The following PRPF6 variants were observed in gnomAD, a reference collection of about 807,000 sequenced individuals.
The protein encoded by PRPF6 is pre-mRNA-processing factor 6.
PRPF6 carries 42 observed loss-of-function variants against 118.3 expected under a neutral mutation model. That is an observed-to-expected ratio of 0.35 (90% CI 0.28 to 0.46). The LOEUF is 0.46. Ranked by LOEUF, PRPF6 falls within the 20% of genes least tolerant of loss-of-function variation. The pLI is 1.00. For synonymous variants in PRPF6, 481 were observed against 485.1 expected (o/e 0.99, Z 0.11); for missense variants, 662 against 1,255.7 (o/e 0.53, Z 7.15).
In PRPF6 at chr20:63,994,922, T is replaced by C; in HGVS notation, c.445T>C (p.Leu149=). 1 of 1,614,156 alleles carries C rather than the reference T, an allele frequency of 6.2e-7. No homozygotes were observed. Among genetic ancestry groups the C allele is most frequent in the Middle Eastern group, 1.7e-4 (1 of 6,060 alleles). The change falls in exon 5 of 21, where the codon TTG becomes CTG. Residue 149 remains leucine, a synonymous_variant. Coordinates refer to ENST00000266079, the MANE Select transcript of PRPF6 (RefSeq NM_012469.4). ...GGGGGCTGGATATTTCCAGAGGAAG[T>C]TGGCAGAAGTCACAGAAGAAGAGTG... ...QQQFSDLKRK[L]AEVTEEEWLS... is the part of the protein sequence containing the mutation.
intron 12 of PRPF6, among the ~76,000 whole-genome samples, chr20:64,021,057 A>G (rs816927): frequency 0.25 from 38,515 of 152,210 alleles, 6,068 homozygotes; most frequent in African/African-American, 0.44. Flanking sequence ...AGGGTGCTGG[A>G]ATTACAGGCG....
intron 1 of PRPF6, among the ~76,000 whole-genome samples, chr20:63,982,090 A>G (rs762145066): frequency 6.6e-6 from 1 of 152,080 alleles, no homozygotes. Flanking sequence ...AATAGAATAG[A>G]GCTCAGGAGG....
intron 3 of PRPF6, among the ~76,000 whole-genome samples, chr20:63,991,907 G>A (rs1310830865): frequency 6.6e-6 from 1 of 152,138 alleles, no homozygotes; most frequent in African/African-American, 2.4e-5. Context: ...TCTCAACACC[G>A]AAGTGCAATT....
chr20:63,999,580 C>T (rs767631169), intron 7 of PRPF6, 23 bp from the exon 8 acceptor site: 13 of 1,613,478 alleles, frequency 8.1e-6, no homozygotes, highest in East Asian at 2.2e-5. Flanking sequence ...GGCCTGATGC[C>T]GTGTGCACTC....
At chr20:63,994,118 A>G (rs900821852) in intron 4 of PRPF6, among the ~76,000 whole-genome samples, 16 of 150,676 alleles carry the variant, frequency 1.1e-4, no homozygotes, top group African/African-American at 3.7e-4. Flanking sequence ...ATTTTAGTGA[A>G]GTTGAACAGA....
intron 12 of PRPF6, among the ~76,000 whole-genome samples, chr20:64,019,861 C>A (rs892239254): frequency 1.3e-5 from 2 of 152,178 alleles, no homozygotes; most frequent in African/African-American, 4.8e-5. Flanking sequence ...TCAGTGACAT[C>A]CCCACTCCTC....
rs140112205 is a variant in PRPF6, at chr20:64,032,855, G to T, written c.2688G>T (p.Glu896Asp). Residue 896 changes from glutamate to aspartate, a missense_variant, in exon 21 of 21, where the codon GAG (glutamate) becomes GAT (aspartate). Around this residue, in one of 10 missense-constraint regions of PRPF6, gnomAD observed 244 missense variants for 383.7 expected, o/e 0.64. Coordinates refer to ENST00000266079, the MANE Select transcript of PRPF6 (RefSeq NM_012469.4). Reference protein sequence around the residue: ...LQHGTEEQQEEVRKRCESAEP... With the variant: ...LQHGTEEQQEDVRKRCESAEP... ...GGTCCCCCCAGGAGCAGCAGGAGGA[G>T]GTGAGGAAGCGCTGTGAGAGTGCAG... 5.9e-5 allele frequency: 95 copies of T among 1,610,624 alleles called. No homozygotes were observed. Among genetic ancestry groups the T allele is most frequent in the Admixed American group, 2.8e-4 (17 of 59,760 alleles).
chr20:63,985,678 C>T (rs1039135772), intron 3 of PRPF6, among the ~76,000 whole-genome samples: 5 of 152,180 alleles, frequency 3.3e-5, no homozygotes, highest in African/African-American at 9.7e-5. Context: ...TGTTAAATGA[C>T]ACATACAAGC....
chr20:64,010,441 G>A (rs1321060999), intron 10 of PRPF6, 123 bp downstream of exon 10: 7 of 849,726 alleles, frequency 8.2e-6, no homozygotes, highest in Non-Finnish European at 1.4e-5. Context: ...ATTTCTGGGA[G>A]CAGAAGGCCC....
chr20:63,991,519 C>T (rs559976028), intron 3 of PRPF6, among the ~76,000 whole-genome samples: 2 of 152,142 alleles, frequency 1.3e-5, no homozygotes, highest in Admixed American at 6.6e-5. Flanking sequence ...TGGCCGAGCA[C>T]GGTGGCTCAC....
rs554984809 is a variant in PRPF6 at position 63,995,056 on chromosome 20, C to G, written c.579C>G (p.Thr193=). 2.2e-5 allele frequency: 35 copies of G among 1,613,970 alleles called. No homozygotes were observed. The highest frequency in any genetic ancestry group is 4.5e-5 in the East Asian group (2 of 44,892). Residue 193 remains threonine, a synonymous_variant, in exon 5 of 21, where the codon ACC becomes ACG. Transcript: ENST00000266079. ...GTTTCTTTGCCAAACATTTACAGAC[C>G]GGAGAGAACCATACCTCAGTGGATC... ...PDSFFAKHLQ[T]GENHTSVDPR...
intron 9 of PRPF6, 83 bp downstream of exon 9, chr20:64,001,322 T>C: frequency 1.3e-6 from 2 of 1,501,882 alleles, no homozygotes; most frequent in Non-Finnish European, 1.8e-6. Context: ...CTCAGGCTTT[T>C]GGTGAGAGTG....
chr20:64,021,332 C>G (rs2059261710), intron 12 of PRPF6, among the ~76,000 whole-genome samples: 1 of 147,422 alleles, frequency 6.8e-6, no homozygotes, highest in African/African-American at 2.6e-5. Context: ...GCCTCAGCCA[C>G]AGCCGTGTGT....
At chr20:64,018,318 G>A (rs1355934665) in intron 12 of PRPF6, among the ~76,000 whole-genome samples, 1 of 152,172 alleles carries the variant, frequency 6.6e-6, no homozygotes, top group African/African-American at 2.4e-5. Context: ...AGCCTTTGTT[G>A]TTCCTGAGTG....
intron 3 of PRPF6, among the ~76,000 whole-genome samples, chr20:63,985,583 A>G (rs1037107751): frequency 6.6e-6 from 1 of 152,176 alleles, no homozygotes. Flanking sequence ...TACTTTTACG[A>G]TACATCAGGG....
intron 12 of PRPF6, among the ~76,000 whole-genome samples, chr20:64,018,327 T>G (rs1438100043): frequency 6.6e-6 from 1 of 152,090 alleles, no homozygotes; most frequent in Non-Finnish European, 1.5e-5. Flanking sequence ...TGTTCCTGAG[T>G]GTGAATTTTT....
intron 13 of PRPF6, among the ~76,000 whole-genome samples, chr20:64,023,169 T>G (rs889406131): frequency 2.6e-5 from 4 of 152,238 alleles, no homozygotes; most frequent in African/African-American, 9.6e-5. Flanking sequence ...GGGTATAGAC[T>G]TGAGGCTGGA....
At chr20:64,010,041 G>A (rs938093995) in intron 9 of PRPF6, among the ~76,000 whole-genome samples, 159 bp from the exon 10 acceptor site, 1 of 152,104 alleles carries the variant, frequency 6.6e-6, no homozygotes. Flanking sequence ...GTTTGTGTCT[G>A]CCCCAGACCT....
chr20:64,007,639 G>C (rs6011254), intron 9 of PRPF6, among the ~76,000 whole-genome samples: 1 of 150,906 alleles, frequency 6.6e-6, no homozygotes, highest in Non-Finnish European at 1.5e-5. Context: ...GCTAATTTTT[G>C]TATTTTTTGT....
Sources: allele counts gnomAD v4.1 joint callset (sites outside exome capture counted in the v4.1 genomes callset), GRCh38; gene constraint gnomAD v4.1.1; regional missense constraint gnomAD v4.1.1; transcripts MANE v1.5; gene names NCBI Gene and HGNC (gene_info 2026-07-23, HGNC 2026-07-21).